The following TBCD variants were observed in gnomAD, a reference collection of about 807,000 sequenced individuals.
TBCD encodes the protein tubulin folding cofactor D.
TBCD carries 105 observed loss-of-function variants against 169.3 expected under a neutral mutation model. The ratio of observed to expected loss-of-function variants is 0.62; its 90% CI spans 0.53 to 0.73. The LOEUF (loss-of-function observed/expected upper bound fraction) is 0.73, where lower values mean the gene tolerates loss of function less well. TBCD is among the 30% of genes least tolerant of loss of function. The probability of loss-of-function intolerance (pLI) is 0.00; values close to 1 mark genes in which losing one functional copy is unlikely to be tolerated. For missense variants in TBCD, 1,444 were observed against 1,600.1 expected, an observed-to-expected ratio of 0.90 and a Z score of 1.66; for synonymous variants, 700 against 643.9, an observed-to-expected ratio of 1.09 and a Z score of -1.32.
intron 10 of TBCD, 85 bp from the exon 11 acceptor site, chr17:82,807,523 T>G: frequency 1.1e-6 from 1 of 949,062 alleles, no homozygotes; most frequent in Middle Eastern, 2.3e-4. Flanking sequence ...GTGCACTGAG[T>G]AGCGTACAGG....
intron 13 of TBCD, among the ~76,000 whole-genome samples, chr17:82,826,702 C>A (rs1011338635): frequency 1.3e-5 from 2 of 152,190 alleles, no homozygotes; most frequent in Admixed American, 6.5e-5. Context: ...GGGTGTGTGC[C>A]ACCATGCCTG....
chr17:82,938,598 G>A (rs2062831541), intron 36 of TBCD, among the ~76,000 whole-genome samples: 1 of 152,242 alleles, frequency 6.6e-6, no homozygotes, highest in African/African-American at 2.4e-5. Flanking sequence ...GAAGTGGGGT[G>A]CCGGACCCTC....
chr17:82,763,908 C>G (rs1568097909), intron 2 of TBCD, 57 bp from the exon 3 acceptor site: 2 of 1,487,408 alleles, frequency 1.3e-6, no homozygotes, highest in Non-Finnish European at 1.9e-6. Flanking sequence ...CCTGGCCGGC[C>G]TCAATGTCAT....
chr17:82,887,173 GCGCGCGCACGTGCGCTCA>G lies in TBCD; in HGVS notation c.1534-2490_1534-2473del, dbSNP rs1405930636. Among the ~76,000 whole-genome samples, 198 of 66,984 alleles carry G rather than the reference GCGCGCGCACGTGCGCTCA, an allele frequency of 3.0e-3. 2 individuals carry two copies. Among genetic ancestry groups the G allele is most frequent in the African/African-American group, 0.016 (167 of 10,476 alleles). The allele number at this position is 66,984 out of a possible 152,430, so 43.9% of individuals were successfully genotyped here. The stretch of plus-strand genomic sequence containing the variant: ...TGTGTGTGTGTGTGTGTGTGTGCGC[GCGCGCGCACGTGCGCTCA>G]CGCGTTTACTTCTGTGTGATTGTAT... On this transcript the variant is annotated intron_variant, in intron 15 of 38. Transcript: ENST00000355528.
In TBCD at chr17:82,815,579, G is replaced by A. The variant is rs183775585; in HGVS notation, c.1318+645G>A. 3.9e-5 allele frequency among the ~76,000 whole-genome samples: 6 copies of A among 152,368 alleles called. No individual in the cohort carries two copies. The East Asian group carries it at 5.8e-4, about 15-fold the overall frequency. ...ACCAGCTCTTGTGCCGTGGCCACAC[G>A]CAGCCCTGTCTGTGTTTGGTGGGGA... On this transcript the variant is annotated intron_variant, in intron 13 of 38. Transcript: ENST00000355528.
At chr17:82,870,952 A>G (rs762935306) in intron 14 of TBCD, among the ~76,000 whole-genome samples, 9 of 152,250 alleles carry the variant, frequency 5.9e-5, no homozygotes, top group Non-Finnish European at 8.8e-5. Context: ...TTCAGTAGCA[A>G]TAGCCTTCGC....
At chr17:82,852,083 G>A (rs74002589) in intron 13 of TBCD, among the ~76,000 whole-genome samples, 1,563 of 152,152 alleles carry the variant, frequency 0.01, 20 homozygotes, top group African/African-American at 0.035. Context: ...TGCAGCCATC[G>A]CCACAGTCAG....
chr17:82,798,751 C>CT (rs11374536), intron 8 of TBCD, among the ~76,000 whole-genome samples: 62,276 of 151,890 alleles, frequency 0.41, 12,831 homozygotes, highest in Middle Eastern at 0.43. Context: ...TCCTAATTCT[C>CT]TTAATTTATT....
chr17:82,809,046 A>G (rs999512364), intron 11 of TBCD, among the ~76,000 whole-genome samples: 7 of 151,980 alleles, frequency 4.6e-5, no homozygotes, highest in African/African-American at 1.5e-4. Flanking sequence ...CGTCCATACC[A>G]TGATCTCTGG....
intron 22 of TBCD, among the ~76,000 whole-genome samples, chr17:82,910,469 T>A (rs2060552827): frequency 6.6e-6 from 1 of 152,260 alleles, no homozygotes. Flanking sequence ...CTTATTGAGC[T>A]GTTAGAACTC....
intron 17 of TBCD, among the ~76,000 whole-genome samples, chr17:82,894,658 C>A (rs1017496660): frequency 5.9e-5 from 9 of 152,170 alleles, no homozygotes; most frequent in Admixed American, 5.2e-4. Context: ...CTTATCAGTT[C>A]TTTCCTATTA....
chr17:82,777,775 G>T (rs112448786), intron 6 of TBCD, among the ~76,000 whole-genome samples: 1 of 152,160 alleles, frequency 6.6e-6, no homozygotes, highest in Admixed American at 6.5e-5. Flanking sequence ...GGATAACTGC[G>T]GGCGAGCCTG....
chr17:82,855,993 C>CCTTTT (rs373747821), intron 13 of TBCD, among the ~76,000 whole-genome samples: 2 of 66,274 alleles, frequency 3.0e-5, no homozygotes, highest in African/African-American at 1.4e-4. Context: ...TCCCCCCCCA[C>CCTTTT]TTTTTTTTTT....
chr17:82,824,472 C>T (rs937979427), intron 13 of TBCD, among the ~76,000 whole-genome samples: 13 of 151,890 alleles, frequency 8.6e-5, no homozygotes, highest in South Asian at 2.1e-4. Context: ...TGTGAGCCAC[C>T]GCGCCCGACC....
chr17:82,838,080 C>T (rs2054137274), intron 13 of TBCD, among the ~76,000 whole-genome samples: 1 of 152,260 alleles, frequency 6.6e-6, no homozygotes, highest in Non-Finnish European at 1.5e-5. Context: ...TGAGAGCTCG[C>T]TTCTCTTCCT....
At chr17:82,830,466 C>T in intron 13 of TBCD, 1 of 1,612,706 alleles carries the variant, frequency 6.2e-7, no homozygotes, top group East Asian at 2.2e-5. Flanking sequence ...CTGGAGCCTC[C>T]TCGCCGGGGC....
chr17:82,807,866 C>T (rs1343631233), intron 11 of TBCD, among the ~76,000 whole-genome samples, 198 bp downstream of exon 11: 1 of 152,250 alleles, frequency 6.6e-6, no homozygotes, highest in African/African-American at 2.4e-5. Context: ...CGTCCTCCTG[C>T]CTCTGGCTGG....
Position 82,900,657 on chromosome 17 carries a change from T to G in TBCD, c.1656T>G (p.Phe552Leu). The G allele has an allele frequency of 6.2e-7, 1 of 1,613,920 alleles. No individual in the cohort carries two copies. The highest frequency in any genetic ancestry group is 8.5e-7 in the Non-Finnish European group (1 of 1,179,812). The change falls in exon 18 of 39, where the codon TTT becomes TTG. Residue 552 changes from phenylalanine (F) to leucine (L), a missense_variant. By Grantham distance (22) the Phe-to-Leu change is conservative. Coordinates refer to ENST00000355528, the MANE Select transcript of TBCD (RefSeq NM_005993.5). ...RSNCFLVISVFIAGFPEYTQP... is the reference protein window; with the variant it reads ...RSNCFLVISVLIAGFPEYTQP... The stretch of plus-strand genomic sequence containing the variant: ...TCCATGCTGTCTTTTCCAGTGTGTT[T>G]ATTGCCGGCTTTCCTGAGTACACGC...
intron 23 of TBCD, chr17:82,914,296 G>A (rs2060873608): frequency 6.6e-6 from 1 of 152,488 alleles, no homozygotes; most frequent in African/African-American, 2.4e-5. Context: ...GTGCAGGGTG[G>A]TTTCTGTCTG....
Sources: allele counts gnomAD v4.1 joint callset (sites outside exome capture counted in the v4.1 genomes callset), GRCh38; gene constraint gnomAD v4.1.1; transcripts MANE v1.5; gene names NCBI Gene and HGNC (gene_info 2026-07-23, HGNC 2026-07-21).